The following POLR1B variants were observed in gnomAD, a reference collection of about 807,000 sequenced individuals.
POLR1B encodes the protein DNA-directed RNA polymerase I subunit RPA2.
Under a neutral mutation model 105.8 loss-of-function variants are expected in POLR1B, and 30 were observed. That is an observed-to-expected ratio of 0.28 (90% confidence interval 0.21 to 0.38). The LOEUF is 0.38. Ranked by LOEUF, POLR1B falls within the 10% of genes least tolerant of loss-of-function variation. The pLI, the probability that POLR1B is intolerant of heterozygous loss-of-function variation, is 1.00. For missense variants in POLR1B, 976 were observed against 1,435.8 expected (o/e 0.68, Z 5.17); for synonymous variants, 485 against 505.1 (o/e 0.96, Z 0.53).
intron 1 of POLR1B, among the ~76,000 whole-genome samples, chr2:112,544,649 T>C (rs1315705087): frequency 1.3e-5 from 2 of 152,112 alleles, no homozygotes; most frequent in East Asian, 3.9e-4. Context: ...TGGCCCTGCA[T>C]AGAAAATGAT....
chr2:112,552,633 C>G lies in POLR1B; in HGVS notation c.987-12C>G, dbSNP rs564567409. The G allele has an allele frequency of 2.2e-6, 3 of 1,391,220 alleles. No homozygotes were observed. Among genetic ancestry groups the G allele is most frequent in the Non-Finnish European group, 1.9e-6 (2 of 1,065,506 alleles). 86.2% of individuals were successfully genotyped at this position (1,391,220 alleles called of 1,614,324 possible). A position where few individuals can be genotyped will look rare whatever the true frequency, so the allele number is the denominator to read the frequency against. On this transcript the variant is annotated splice_polypyrimidine_tract_variant and intron_variant, in intron 6 of 14. Coordinates refer to ENST00000263331, the MANE Select transcript of POLR1B (RefSeq NM_019014.6). ...AATTGTTTTAAGCTTTTTTTTTTTT[C>G]TGTTTTCACAGCCAGTGCATCTGTA...
At chr2:112,564,751 A>G (rs1684189281) in intron 10 of POLR1B, among the ~76,000 whole-genome samples, 1 of 152,216 alleles carries the variant, frequency 6.6e-6, no homozygotes, top group Non-Finnish European at 1.5e-5. Context: ...CAGTCTGCTT[A>G]TCTAACTAAT....
At position 112,562,144 on chromosome 2, in the gene POLR1B, C is replaced by T. The variant is rs547288266; in HGVS notation, c.1613-2222C>T. The stretch of plus-strand genomic sequence containing the variant: ...CTTCAGCTGCGGGGAGCATCTGCAT[C>T]GGGGGACTCAAAGTTTTTTGCTGCA... On this transcript the variant is annotated intron_variant, in intron 9 of 14. Coordinates refer to ENST00000263331, the MANE Select transcript of POLR1B (RefSeq NM_019014.6). Among the ~76,000 whole-genome samples the T allele has an allele frequency of 7.2e-5, 11 of 152,178 alleles. No homozygotes were observed. In the South Asian group the frequency reaches 1.9e-3, roughly 26 times the overall value.
At chr2:112,542,235 G>A (rs1574081859), upstream of POLR1B, 1 of 1,535,654 alleles carries the variant, frequency 6.5e-7, no homozygotes, top group Non-Finnish European at 8.7e-7. Flanking sequence ...GGAGATGAGT[G>A]GGGCGGAATA....
intron 8 of POLR1B, 82 bp downstream of exon 8, chr2:112,558,163 T>A (rs1574109753): frequency 5.6e-6 from 5 of 899,642 alleles, no homozygotes; most frequent in Non-Finnish European, 6.0e-6. Context: ...GAGTTCTTTT[T>A]AAAAGCAAAC....
At position 112,542,499 on chromosome 2, in the gene POLR1B, A is replaced by G. The variant is rs761789220; in HGVS notation, c.5A>G (p.Asp2Gly). Residue 2 changes from aspartate to glycine, a missense_variant, in exon 1 of 15, where the codon GAT (aspartate) becomes GGT (glycine). Around this residue, in one of 12 missense-constraint regions of POLR1B, gnomAD observed 452 missense variants for 616.5 expected, o/e 0.73. Transcript: ENST00000263331. ...GTCCGGTGTGCAGGTGGCCACATGG[A>G]TCCTGGCAGCCGGTGGCGGAACCTG... The part of the protein sequence containing the change: M[D>G]PGSRWRNLPS... The G allele has an allele frequency of 7.4e-6, 12 of 1,613,580 alleles. No individual in the cohort carries two copies. The highest frequency in any genetic ancestry group is 1.3e-5 in the African/African-American group (1 of 74,912).
chr2:112,565,029 T>C (rs964009833), intron 10 of POLR1B, among the ~76,000 whole-genome samples: 3 of 152,256 alleles, frequency 2.0e-5, no homozygotes, highest in Non-Finnish European at 4.4e-5. Context: ...TATTCTGTTC[T>C]GTGTTTTTAT....
At chr2:112,544,200 G>A (rs1197781289) in intron 1 of POLR1B, among the ~76,000 whole-genome samples, 1 of 152,106 alleles carries the variant, frequency 6.6e-6, no homozygotes, top group Non-Finnish European at 1.5e-5. Flanking sequence ...GGAGGTCAAG[G>A]CGGGTGGATC....
chr2:112,548,666 G>A (rs1274565523), intron 3 of POLR1B, among the ~76,000 whole-genome samples: 2 of 150,900 alleles, frequency 1.3e-5, no homozygotes, highest in African/African-American at 2.4e-5. Context: ...AGGTTGGAGC[G>A]CAGTGGCGCA....
chr2:112,556,470 T>G (rs1041020312), intron 7 of POLR1B, among the ~76,000 whole-genome samples: 7 of 152,228 alleles, frequency 4.6e-5, no homozygotes, highest in Non-Finnish European at 7.3e-5. Context: ...AATTTAATAT[T>G]ACTGCACCAC....
intron 10 of POLR1B, among the ~76,000 whole-genome samples, chr2:112,564,779 T>A (rs1405745159): frequency 6.6e-6 from 1 of 152,220 alleles, no homozygotes; most frequent in Non-Finnish European, 1.5e-5. Context: ...TTTTTCCCCC[T>A]TCTTAATACT....
In POLR1B at chr2:112,559,370, C is replaced by T. The variant is rs777944795; in HGVS notation, c.1408C>T (p.Arg470Cys). 2.5e-6 allele frequency: 4 copies of T among 1,614,172 alleles called. No homozygotes were observed. Among genetic ancestry groups the T allele is most frequent in the Admixed American group, 1.7e-5 (1 of 60,016 alleles). Residue 470 changes from arginine (R) to cysteine (C), a missense_variant, in exon 9 of 15, where the codon CGC becomes TGC. Arg to Cys is a radical substitution (Grantham distance 180). This residue lies in a region of POLR1B where 452 missense variants were observed against 616.5 expected (regional missense o/e 0.73). Transcript: ENST00000263331. ...LNFIRYLSHF[R>C]CVHRGADFAK... ...CTTCATACGCTACCTCTCCCATTTCCGCTGCGTGCACAGAGGGGCTGATTT... is the reference window on the plus strand; with the variant it reads ...CTTCATACGCTACCTCTCCCATTTCTGCTGCGTGCACAGAGGGGCTGATTT...
chr2:112,561,074 AAG>A (rs959005962), intron 9 of POLR1B, among the ~76,000 whole-genome samples: 5 of 151,696 alleles, frequency 3.3e-5, no homozygotes, highest in South Asian at 2.1e-4. Flanking sequence ...AAAAAAAAAA[AAG>A]AGAGAGAGAG....
upstream of POLR1B, chr2:112,542,060 G>C (rs1157308101): frequency 1.3e-6 from 2 of 1,513,294 alleles, no homozygotes; most frequent in Admixed American, 4.0e-5. Context: ...GACTCCCCAG[G>C]GTCGGCATCA....
intron 1 of POLR1B, among the ~76,000 whole-genome samples, chr2:112,543,408 C>T (rs951671412): frequency 2.6e-5 from 4 of 152,104 alleles, no homozygotes; most frequent in East Asian, 1.9e-4. Context: ...TGCCAATGTT[C>T]TTGAGAACTG....
At position 112,579,208 on chromosome 2, in the gene POLR1B, C is replaced by CAAAAAAAAA. The variant is rs56190123; in HGVS notation, c.*3503_*3511dup. 2.0e-4 allele frequency among the ~76,000 whole-genome samples: 12 copies of CAAAAAAAAA among 58,692 alleles called. No homozygotes were observed. The highest frequency in any genetic ancestry group is 3.0e-4 in the Admixed American group (1 of 3,388). The allele number at this position is 58,692 out of a possible 152,430, so 38.5% of individuals were successfully genotyped here. On this transcript the variant is annotated 3_prime_UTR_variant, in exon 15 of 15. Coordinates refer to ENST00000263331, the MANE Select transcript of POLR1B (RefSeq NM_019014.6). ...GGGCAACAGAGCAAGACTAGAGTCTCAAAAAAAAAAAAAAAAAAAAAAAAA... is the reference window on the plus strand; with the variant it reads ...GGGCAACAGAGCAAGACTAGAGTCTCAAAAAAAAAAAAAAAAAAAAAAAAAAAAAAAAAA...
chr2:112,578,948 C>G lies in POLR1B; in HGVS notation c.*3219C>G, dbSNP rs1241446385. 6.6e-6 allele frequency among the ~76,000 whole-genome samples: 1 copy of G among 152,078 alleles called. No homozygotes were observed. Among genetic ancestry groups the G allele is most frequent in the East Asian group, 1.9e-4 (1 of 5,200 alleles). On this transcript the variant is annotated 3_prime_UTR_variant, in exon 15 of 15. Transcript: ENST00000263331. ...ACTGGCTGGGTGCGGTGGTGCACAC[C>G]TGTAATCCCAGGACTTTGGCAGGCT...
In POLR1B at chr2:112,575,638, C is replaced by G. The variant is rs762221815; in HGVS notation, c.3317C>G (p.Thr1106Ser). 6.2e-7 allele frequency: 1 copy of G among 1,614,154 alleles called. No homozygotes were observed. The highest frequency in any genetic ancestry group is 1.1e-5 in the South Asian group (1 of 91,080). The change falls in exon 15 of 15, where the codon ACT becomes AGT. Residue 1106 changes from threonine to serine, a missense_variant. Coordinates refer to ENST00000263331, the MANE Select transcript of POLR1B (RefSeq NM_019014.6). The surrounding 1 kb of genome is among the most constrained non-coding windows in gnomAD (Gnocchi z 5.3). ...TGTACTCTGTGTAGTCGCAGTGACACTATCGATACTGTTTCTGTGCCTTAT... is the reference window on the plus strand; with the variant it reads ...TGTACTCTGTGTAGTCGCAGTGACAGTATCGATACTGTTTCTGTGCCTTAT... The part of the protein sequence containing the change: ...YNCTLCSRSD[T>S]IDTVSVPYVF...
At chr2:112,553,222 G>A (rs1334592466) in intron 7 of POLR1B, among the ~76,000 whole-genome samples, 1 of 152,196 alleles carries the variant, frequency 6.6e-6, no homozygotes, top group Non-Finnish European at 1.5e-5. Context: ...AAGAATTTGG[G>A]TCTCCTGAGG....
Sources: gnomAD v4.1 joint callset for allele counts (sites outside exome capture counted in the v4.1 genomes callset) on GRCh38, gnomAD v4.1.1 for gene constraint, gnomAD v4.1.1 regional missense constraint, Gnocchi (gnomAD v3.1) non-coding constraint, MANE v1.5 for transcripts, NCBI Gene and HGNC (gene_info 2026-07-23, HGNC 2026-07-21) for gene names.